LYSMD3: variants seen among roughly 807,000 people sequenced by gnomAD.
The protein encoded by LYSMD3 is lysM and putative peptidoglycan-binding domain-containing protein 3.
LYSMD3 carries 13 observed loss-of-function variants against 26.1 expected under a neutral mutation model. The observed-to-expected ratio is 0.50, with a 90% confidence interval of 0.32 to 0.79. The LOEUF (loss-of-function observed/expected upper bound fraction) is 0.79. Ranked by LOEUF, LYSMD3 falls within the 30% of genes least tolerant of loss-of-function variation. The pLI is 0.03. For synonymous variants in LYSMD3, 109 were observed against 119.4 expected, an observed-to-expected ratio of 0.91 and a Z score of 0.57; for missense variants, 331 against 362.5, an observed-to-expected ratio of 0.91 and a Z score of 0.71.
intron 2 of LYSMD3, among the ~76,000 whole-genome samples, chr5:90,521,141 A>G (rs1048276940): frequency 6.6e-5 from 10 of 152,122 alleles, no homozygotes; most frequent in African/African-American, 2.4e-4. Flanking sequence ...TGGCTTTGAC[A>G]CTTTCTAGCT....
chr5:90,524,591 C>A (rs1395757097), intron 2 of LYSMD3, among the ~76,000 whole-genome samples: 8 of 152,146 alleles, frequency 5.3e-5, no homozygotes, highest in Non-Finnish European at 1.5e-5. Flanking sequence ...ACACAGATTT[C>A]TTTTTTCTTT....
intron 1 of LYSMD3, among the ~76,000 whole-genome samples, chr5:90,527,550 A>G (rs1046710881): frequency 6.6e-6 from 1 of 152,122 alleles, no homozygotes; most frequent in Non-Finnish European, 1.5e-5. Flanking sequence ...AGGGTGGCTG[A>G]GATAGTGACA....
chr5:90,523,265 A>T (rs557622308), intron 2 of LYSMD3, among the ~76,000 whole-genome samples: 185 of 152,178 alleles, frequency 1.2e-3, no homozygotes, highest in Non-Finnish European at 2.4e-3. Flanking sequence ...CACATCAAAA[A>T]ATTCATTTTA....
rs1358428833 is a variant in LYSMD3, at chr5:90,525,287, CATA to C, written c.-1_2del. On this transcript the variant is annotated start_lost and start_retained_variant and 5_prime_UTR_variant, in exon 2 of 3. Coordinates refer to ENST00000315948, the MANE Select transcript of LYSMD3 (RefSeq NM_198273.2). ...AACTACGATTCTGATGCCTCCCTGC[CATA>C]ATGTTAAAATCTGGAGGAAAAAAAA... 9 of 1,589,512 alleles carry C rather than the reference CATA, an allele frequency of 5.7e-6. No homozygotes were observed. The Admixed American group carries it at 7.4e-5, about 13-fold the overall frequency.
At chr5:90,523,884 C>T (rs1039184367) in intron 2 of LYSMD3, among the ~76,000 whole-genome samples, 5 of 152,094 alleles carry the variant, frequency 3.3e-5, no homozygotes, top group Non-Finnish European at 5.9e-5. Context: ...TAACCAGTTT[C>T]CATATCAATG....
intron 1 of LYSMD3, 107 bp from the exon 2 acceptor site, chr5:90,525,407 G>T: frequency 8.7e-7 from 1 of 1,147,286 alleles, no homozygotes. Flanking sequence ...TGTTTTAATG[G>T]TTTTAGTTAT....
At position 90,525,307 on chromosome 5, in the gene LYSMD3, G is replaced by GA. The variant is rs755821231; in HGVS notation, c.-11-8dup. 7.7e-4 allele frequency: 1,177 copies of GA among 1,532,954 alleles called. No homozygotes were observed. Among genetic ancestry groups the GA allele is most frequent in the Admixed American group, 1.9e-3 (93 of 47,894 alleles). 95.0% of individuals were successfully genotyped at this position (1,532,954 alleles called of 1,614,324 possible). A position where few individuals can be genotyped will look rare whatever the true frequency, so the allele number is the denominator to read the frequency against. On this transcript the variant is annotated splice_polypyrimidine_tract_variant and splice_region_variant and intron_variant, in intron 1 of 2. Coordinates refer to ENST00000315948, the MANE Select transcript of LYSMD3 (RefSeq NM_198273.2). ...CCTGCCATAATGTTAAAATCTGGAG[G>GA]AAAAAAAAAGCAGAGAAAATTTTGG...
At position 90,515,992 on chromosome 5, in the gene LYSMD3, T is replaced by C. The variant is rs766276725; in HGVS notation, c.*2827A>G. On this transcript the variant is annotated 3_prime_UTR_variant, in exon 3 of 3. Coordinates refer to ENST00000315948, the MANE Select transcript of LYSMD3 (RefSeq NM_198273.2). The stretch of plus-strand genomic sequence containing the variant: ...CTGACTAGATCCTTGCTTCATGATA[T>C]TTCTAAAACTAAGCATATCCTTCAT... The C allele has an allele frequency of 1.1e-4, 16 of 152,162 alleles. No homozygotes were observed. The highest frequency in any genetic ancestry group is 3.1e-4 in the African/African-American group (13 of 41,450). 9.4% of individuals were successfully genotyped at this position (152,162 alleles called of 1,614,324 possible).
chr5:90,529,150 A>G (rs1045029490), intron 1 of LYSMD3, among the ~76,000 whole-genome samples: 2 of 152,238 alleles, frequency 1.3e-5, no homozygotes, highest in African/African-American at 2.4e-5. Flanking sequence ...TTTCACGCCA[A>G]CATAAAGTCG....
At chr5:90,527,129 G>A (rs1413413886) in intron 1 of LYSMD3, 4 of 151,850 alleles carry the variant, frequency 2.6e-5, no homozygotes, top group South Asian at 2.1e-4. Context: ...AGTACCAAGC[G>A]AAACAAAAAC....
chr5:90,528,461 A>G (rs532037903), intron 1 of LYSMD3, among the ~76,000 whole-genome samples: 12 of 152,276 alleles, frequency 7.9e-5, no homozygotes, highest in African/African-American at 2.9e-4. Flanking sequence ...TCTCCACGAT[A>G]TATTTCTAAA....
In LYSMD3 at chr5:90,516,493, A is replaced by C. The variant is rs1407213657; in HGVS notation, c.*2326T>G. 1.3e-5 allele frequency: 2 copies of C among 152,110 alleles called. No homozygotes were observed. Among genetic ancestry groups the C allele is most frequent in the African/African-American group, 4.8e-5 (2 of 41,448 alleles). The allele number at this position is 152,110 out of a possible 1,614,324, so 9.4% of individuals were successfully genotyped here. A position where few individuals can be genotyped will look rare whatever the true frequency, so the allele number is the denominator to read the frequency against. On this transcript the variant is annotated 3_prime_UTR_variant, in exon 3 of 3. Transcript: ENST00000315948. ...CAACACAATTAAAATCCATAATGTT[A>C]AACAATAACTGTGCTTGTTAGTTAT...
intron 2 of LYSMD3, among the ~76,000 whole-genome samples, chr5:90,520,685 C>T (rs541724813): frequency 1.1e-3 from 164 of 152,000 alleles, no homozygotes; most frequent in Non-Finnish European, 1.8e-3. Flanking sequence ...TTTGGGAGGC[C>T]GAGGCAGGTA....
Position 90,515,741 on chromosome 5 carries a change from TAC to T in LYSMD3, c.*3076_*3077del, listed in dbSNP as rs1246379993. On this transcript the variant is annotated 3_prime_UTR_variant, in exon 3 of 3. Coordinates refer to ENST00000315948, the MANE Select transcript of LYSMD3 (RefSeq NM_198273.2). Reference sequence around the variant, plus strand: ...ACAGATACACATGCTAACAATGTTCTACAGTTACATTTGTATAAAATACATTA... The same window carrying T: ...ACAGATACACATGCTAACAATGTTCTAGTTACATTTGTATAAAATACATTA... The T allele has an allele frequency of 2.0e-5, 3 of 152,352 alleles. No individual in the cohort carries two copies. Among genetic ancestry groups the T allele is most frequent in the African/African-American group, 7.2e-5 (3 of 41,594 alleles). The allele number at this position is 152,352 out of a possible 1,614,324, so 9.4% of individuals were successfully genotyped here.
At position 90,519,586 on chromosome 5, in the gene LYSMD3, AATT is replaced by A. The variant is rs1008225204; in HGVS notation, c.256-105_256-103del. ...TACTTTTGGAGGAAAAAAAAAGTTG[AATT>A]ATTAGTAGTATTAAGTTGCACCCAG... On this transcript the variant is annotated intron_variant, in intron 2 of 2. Transcript: ENST00000315948. 2.6e-6 allele frequency: 3 copies of A among 1,168,942 alleles called. No individual in the cohort carries two copies. In the African/African-American group the frequency reaches 4.7e-5, roughly 18 times the overall value. The allele number at this position is 1,168,942 out of a possible 1,614,324, so 72.4% of individuals were successfully genotyped here.
In LYSMD3 at chr5:90,517,914, AC is replaced by A. The variant is rs1414338803; in HGVS notation, c.*904del. The A allele has an allele frequency of 6.6e-6, 1 of 152,518 alleles. No individual in the cohort carries two copies. The highest frequency in any genetic ancestry group is 2.4e-5 in the African/African-American group (1 of 41,442). 9.4% of individuals were successfully genotyped at this position (152,518 alleles called of 1,614,324 possible). Reference sequence around the variant, plus strand: ...ATTTTTAATTCTGAAACTTGGATTTACTTACATAAAGCAGTAAGGCATTAAA... The same window carrying A: ...ATTTTTAATTCTGAAACTTGGATTTATTACATAAAGCAGTAAGGCATTAAA... On this transcript the variant is annotated 3_prime_UTR_variant, in exon 3 of 3. Coordinates refer to ENST00000315948, the MANE Select transcript of LYSMD3 (RefSeq NM_198273.2).
Position 90,518,810 on chromosome 5 carries a change from A to G in LYSMD3, c.*9T>C. On this transcript the variant is annotated 3_prime_UTR_variant, in exon 3 of 3. Coordinates refer to ENST00000315948, the MANE Select transcript of LYSMD3 (RefSeq NM_198273.2). ...ATGTGACCACTAACATTTGATTATGAGCTAATTGCTATGTTTCCTGTTGAG... is the reference window on the plus strand; with the variant it reads ...ATGTGACCACTAACATTTGATTATGGGCTAATTGCTATGTTTCCTGTTGAG... 2 of 1,603,894 alleles carry G rather than the reference A, an allele frequency of 1.2e-6. No homozygotes were observed. Among genetic ancestry groups the G allele is most frequent in the African/African-American group, 1.3e-5 (1 of 74,822 alleles).
intron 2 of LYSMD3, among the ~76,000 whole-genome samples, chr5:90,523,722 C>A (rs1445041793): frequency 1.3e-5 from 2 of 151,996 alleles, no homozygotes; most frequent in African/African-American, 4.8e-5. Context: ...AATGTTAATA[C>A]AACATTCTGA....
chr5:90,516,802 T>G lies in LYSMD3; in HGVS notation c.*2017A>C, dbSNP rs528370485. Reference sequence around the variant, plus strand: ...ACTCTGCAAGACAAATGATTTTTAATCAACAAATACACAGCACACCTTATT... The same window carrying G: ...ACTCTGCAAGACAAATGATTTTTAAGCAACAAATACACAGCACACCTTATT... On this transcript the variant is annotated 3_prime_UTR_variant, in exon 3 of 3. Transcript: ENST00000315948. The G allele has an allele frequency of 6.6e-6, 1 of 152,576 alleles. No homozygotes were observed. Among genetic ancestry groups the G allele is most frequent in the African/African-American group, 2.4e-5 (1 of 41,568 alleles). 9.5% of individuals were successfully genotyped at this position (152,576 alleles called of 1,614,324 possible). A position where few individuals can be genotyped will look rare whatever the true frequency, so the allele number is the denominator to read the frequency against.
Sources: gnomAD v4.1 joint callset for allele counts (sites outside exome capture counted in the v4.1 genomes callset) on GRCh38, gnomAD v4.1.1 for gene constraint, MANE v1.5 for transcripts, NCBI Gene and HGNC (gene_info 2026-07-23, HGNC 2026-07-21) for gene names.